Variants in CNTN5 observed in about 807,000 individuals in gnomAD.
The protein encoded by CNTN5 is contactin 5.
A neutral mutation model predicts 129.1 loss-of-function variants in CNTN5; 77 were observed. The observed-to-expected ratio is 0.60, with a 90% CI of 0.50 to 0.72. CNTN5 has a LOEUF of 0.72. Ranked by LOEUF, CNTN5 falls within the 30% of genes least tolerant of loss-of-function variation. The probability of loss-of-function intolerance (pLI) is 0.00; values close to 1 mark genes in which losing one functional copy is unlikely to be tolerated. For missense variants in CNTN5, 1,478 were observed against 1,328.8 expected (o/e 1.11, Z -1.75); for synonymous variants, 509 against 465.6 (o/e 1.09, Z -1.20).
intron 3 of CNTN5, among the ~76,000 whole-genome samples, chr11:99,601,575 C>G (rs2135705961): frequency 6.6e-6 from 1 of 152,352 alleles, no homozygotes; most frequent in East Asian, 1.9e-4. Flanking sequence ...ACAACCTCCT[C>G]AAATTCATTA....
chr11:99,752,805 T>A (rs1177527000), intron 3 of CNTN5, among the ~76,000 whole-genome samples: 3 of 152,180 alleles, frequency 2.0e-5, no homozygotes, highest in African/African-American at 7.2e-5. Context: ...ACTGCTTTAT[T>A]TGAGTTAAAT....
At chr11:99,998,035 C>T (rs2137450478) in intron 8 of CNTN5, among the ~76,000 whole-genome samples, 2 of 152,174 alleles carry the variant, frequency 1.3e-5, no homozygotes, top group South Asian at 4.2e-4. Context: ...ATGACAAACC[C>T]ACAGCCAATA....
chr11:99,789,352 G>C (rs1487737993), intron 3 of CNTN5, among the ~76,000 whole-genome samples: 15 of 151,860 alleles, frequency 9.9e-5, no homozygotes, highest in Non-Finnish European at 5.9e-5. Flanking sequence ...TCTAATGTAA[G>C]ACAGATAATG....
chr11:99,251,719 A>G (rs1453619983), intron 1 of CNTN5, among the ~76,000 whole-genome samples: 2 of 151,976 alleles, frequency 1.3e-5, no homozygotes, highest in East Asian at 1.9e-4. Flanking sequence ...TAATAATCCA[A>G]TATGAAAACA....
At chr11:100,044,329 C>T (rs1942548447) in intron 9 of CNTN5, among the ~76,000 whole-genome samples, 1 of 151,902 alleles carries the variant, frequency 6.6e-6, no homozygotes, top group Non-Finnish European at 1.5e-5. Flanking sequence ...ATTTATTTTC[C>T]TGTAGGTAGA....
chr11:100,086,215 T>A (rs1366786050), intron 13 of CNTN5, among the ~76,000 whole-genome samples: 1 of 151,130 alleles, frequency 6.6e-6, no homozygotes, highest in Non-Finnish European at 1.5e-5. Flanking sequence ...TTTTTTAAAT[T>A]ATATTTATTT....
intron 8 of CNTN5, among the ~76,000 whole-genome samples, chr11:99,962,267 C>T (rs1376605522): frequency 1.3e-5 from 2 of 151,832 alleles, no homozygotes; most frequent in Admixed American, 6.6e-5. Flanking sequence ...ATTAACTCGT[C>T]GTTTAACATT....
intron 2 of CNTN5, among the ~76,000 whole-genome samples, chr11:99,471,534 T>A (rs138352425): frequency 6.6e-6 from 1 of 152,102 alleles, no homozygotes; most frequent in Admixed American, 6.6e-5. Flanking sequence ...TCTTAACCCC[T>A]ACTTTGCAAT....
intron 2 of CNTN5, among the ~76,000 whole-genome samples, chr11:99,362,940 C>G (rs1264867392): frequency 6.6e-6 from 1 of 151,958 alleles, no homozygotes; most frequent in African/African-American, 2.4e-5. Flanking sequence ...GTTTTAAAAC[C>G]AGAAAGCATG....
chr11:100,242,644 C>T (rs769470469), intron 16 of CNTN5, among the ~76,000 whole-genome samples: 9 of 152,152 alleles, frequency 5.9e-5, no homozygotes, highest in African/African-American at 9.7e-5. Context: ...CTCACCACCA[C>T]GACAGCACCA....
At position 99,977,482 on chromosome 11, in the gene CNTN5, A is replaced by T. The variant is rs562755769; in HGVS notation, c.877+20473A>T. Among the ~76,000 whole-genome samples the T allele has an allele frequency of 2.4e-3, 371 of 152,336 alleles. 2 individuals are homozygous for T. Among genetic ancestry groups the T allele is most frequent in the African/African-American group, 8.4e-3 (348 of 41,578 alleles). On this transcript the variant is annotated intron_variant, in intron 8 of 24. Coordinates refer to ENST00000524871, the MANE Select transcript of CNTN5 (RefSeq NM_014361.4). ...CTACCTGAGACTTGGTAATTTATAA[A>T]TAAAAGAGGTTTAATTGACTGATGG...
intron 13 of CNTN5, among the ~76,000 whole-genome samples, chr11:100,083,535 C>T (rs1281818282): frequency 1.3e-5 from 2 of 151,960 alleles, no homozygotes; most frequent in African/African-American, 2.4e-5. Context: ...ACATGTAAAC[C>T]GTACTATCCA....
At chr11:99,564,412 A>C (rs1028634147) in intron 3 of CNTN5, among the ~76,000 whole-genome samples, 3 of 152,162 alleles carry the variant, frequency 2.0e-5, no homozygotes, top group African/African-American at 7.2e-5. Context: ...TAGCAAAAGT[A>C]AAGTAGACTA....
chr11:99,706,250 A>G (rs1954751660), intron 3 of CNTN5, among the ~76,000 whole-genome samples: 1 of 151,414 alleles, frequency 6.6e-6, no homozygotes, highest in Non-Finnish European at 1.5e-5. Context: ...GGAGATGTTG[A>G]TAATGAGGCT....
chr11:99,906,255 TGATAC>T (rs1484432004), intron 6 of CNTN5, among the ~76,000 whole-genome samples: 1 of 152,234 alleles, frequency 6.6e-6, no homozygotes, highest in African/African-American at 2.4e-5. Context: ...CCATTCAGTA[TGATAC>T]TGGCTGTGGG....
chr11:99,482,224 G>C (rs1189014394), intron 2 of CNTN5, among the ~76,000 whole-genome samples: 2 of 152,106 alleles, frequency 1.3e-5, no homozygotes, highest in Non-Finnish European at 2.9e-5. Flanking sequence ...TTCCTATTAA[G>C]TATGTAACCA....
chr11:100,220,263 C>T (rs918655995), intron 15 of CNTN5, among the ~76,000 whole-genome samples: 7 of 150,698 alleles, frequency 4.6e-5, no homozygotes, highest in African/African-American at 1.7e-4. Context: ...GGTGACAGAG[C>T]GAGACTCTGT....
At chr11:99,035,039 T>C (rs890170734) in intron 1 of CNTN5, among the ~76,000 whole-genome samples, 9 of 150,524 alleles carry the variant, frequency 6.0e-5, no homozygotes, top group Non-Finnish European at 1.0e-4. Context: ...CCAGTAGTCA[T>C]TCAGGAGCAG....
At chr11:99,227,734 C>T (rs1413940763) in intron 1 of CNTN5, among the ~76,000 whole-genome samples, 1 of 152,042 alleles carries the variant, frequency 6.6e-6, no homozygotes, top group East Asian at 1.9e-4. Context: ...ACTTTTCTTC[C>T]AGCTATATAA....
Sources: gnomAD v4.1 joint callset for allele counts (sites outside exome capture counted in the v4.1 genomes callset) on GRCh38, gnomAD v4.1.1 for gene constraint, MANE v1.5 for transcripts, NCBI Gene and HGNC (gene_info 2026-07-23, HGNC 2026-07-21) for gene names.